The following ABCC4 variants were observed in gnomAD, a reference collection of about 807,000 sequenced individuals.
ABCC4 encodes ATP binding cassette subfamily C member 4 (PEL blood group), also known as ATP-binding cassette sub-family C member 4.
ABCC4 carries 102 observed loss-of-function variants against 168.5 expected under a neutral mutation model. The ratio of observed to expected loss-of-function variants is 0.61; its 90% CI spans 0.52 to 0.71. The LOEUF is 0.71. Among genes scored for constraint, ABCC4 ranks in the 30% least tolerant of loss-of-function variants. The pLI, the probability that ABCC4 is intolerant of heterozygous loss-of-function variation, is 0.00. For missense variants in ABCC4, 1,402 were observed against 1,605.8 expected, an observed-to-expected ratio of 0.87 and a Z score of 2.17; for synonymous variants, 617 against 590.7, an observed-to-expected ratio of 1.04 and a Z score of -0.65.
rs140847648 is a variant in ABCC4, at chr13:95,042,119, T to C, written c.3735+1563A>G. Among the ~76,000 whole-genome samples, 23 of 152,272 alleles carry C rather than the reference T, an allele frequency of 1.5e-4. No individual in the cohort carries two copies. The South Asian group carries it at 3.7e-3, about 25-fold the overall frequency. ...TGGGAGTGAGAAGGAAAGCTCCATGTTGAAATGCAAGGTCATCTCAACAGT... is the reference window on the plus strand; with the variant it reads ...TGGGAGTGAGAAGGAAAGCTCCATGCTGAAATGCAAGGTCATCTCAACAGT... On this transcript the variant is annotated intron_variant, in intron 29 of 30. Transcript: ENST00000645237.
chr13:95,229,669 C>T (rs2039563852), intron 4 of ABCC4, among the ~76,000 whole-genome samples: 3 of 152,170 alleles, frequency 2.0e-5, no homozygotes, highest in Admixed American at 2.0e-4. Flanking sequence ...AATACAAAAG[C>T]TGGGATGACA....
chr13:95,168,305 G>A (rs1194853176), intron 14 of ABCC4, among the ~76,000 whole-genome samples: 1 of 152,122 alleles, frequency 6.6e-6, no homozygotes, highest in Admixed American at 6.5e-5. Context: ...AGGAACCCAG[G>A]CTCCCTATTC....
intron 25 of ABCC4, among the ~76,000 whole-genome samples, chr13:95,064,297 T>TGC (rs2033435405): frequency 9.5e-6 from 1 of 105,302 alleles, no homozygotes; most frequent in Non-Finnish European, 2.0e-5. Context: ...TATATATATA[T>TGC]ACACACACAC....
chr13:95,215,878 T>C (rs925439392), intron 4 of ABCC4, among the ~76,000 whole-genome samples: 2 of 151,046 alleles, frequency 1.3e-5, no homozygotes, highest in Middle Eastern at 3.2e-3. Context: ...AGGCATAAAA[T>C]TGATAATCAA....
At chr13:95,269,437 A>AAT (rs1165886953) in intron 1 of ABCC4, 1 of 98,738 alleles carries the variant, frequency 1.0e-5, no homozygotes, top group African/African-American at 6.6e-5. Context: ...AAAAAAAAAT[A>AAT]TATATATATA....
chr13:95,252,386 G>C (rs1333491270), intron 1 of ABCC4, among the ~76,000 whole-genome samples: 1 of 152,126 alleles, frequency 6.6e-6, no homozygotes, highest in Non-Finnish European at 1.5e-5. Flanking sequence ...ATAGATATGT[G>C]TAAGTAGGGC....
At chr13:95,263,041 C>T (rs1042645303) in intron 1 of ABCC4, among the ~76,000 whole-genome samples, 2 of 152,154 alleles carry the variant, frequency 1.3e-5, no homozygotes, top group African/African-American at 2.4e-5. Context: ...TGGGTGACTT[C>T]GCTGTCTAAA....
chr13:95,239,164 CA>C (rs67156942), intron 3 of ABCC4, among the ~76,000 whole-genome samples: 100,137 of 147,878 alleles, frequency 0.68, 34,071 homozygotes, highest in Non-Finnish European at 0.72. Context: ...ATGTAAACTG[CA>C]AAAAAAAAAA....
At chr13:95,164,057 A>AAT in intron 16 of ABCC4, among the ~76,000 whole-genome samples, 1 of 115,802 alleles carries the variant, frequency 8.6e-6, no homozygotes, top group East Asian at 2.2e-4. Context: ...AAAAAAAAAA[A>AAT]GAAAGAAAGA....
intron 20 of ABCC4, among the ~76,000 whole-genome samples, chr13:95,102,819 C>T: frequency 6.6e-6 from 1 of 150,944 alleles, no homozygotes. Context: ...TGGGGTTTCA[C>T]CATGTTGGCC....
At chr13:95,121,976 A>G (rs559137159) in intron 19 of ABCC4, among the ~76,000 whole-genome samples, 6 of 152,186 alleles carry the variant, frequency 3.9e-5, no homozygotes, top group South Asian at 4.1e-4. Context: ...ACAAAAGCCA[A>G]TCTTGCTCAA....
At chr13:95,163,709 C>T (rs2037171952) in intron 16 of ABCC4, 62 bp from the exon 17 acceptor site, 5 of 1,362,060 alleles carry the variant, frequency 3.7e-6, no homozygotes, top group Middle Eastern at 1.8e-4. Flanking sequence ...CAACTCAAAA[C>T]TCTCAATCGC....
intron 1 of ABCC4, among the ~76,000 whole-genome samples, chr13:95,271,261 C>T (rs577491978): frequency 2.0e-5 from 3 of 152,226 alleles, no homozygotes; most frequent in Non-Finnish European, 2.9e-5. Context: ...CAGCTGCCGA[C>T]GGATTACATT....
In ABCC4 at chr13:95,187,010, G is replaced by C; in HGVS notation, c.1354-118C>G. The stretch of plus-strand genomic sequence containing the variant: ...AAAAACACCATTCATTCATTTAAAA[G>C]AGCACAGGAAGTTGTGATTAAAAAT... On this transcript the variant is annotated intron_variant, in intron 10 of 30. Coordinates refer to ENST00000645237, the MANE Select transcript of ABCC4 (RefSeq NM_005845.5). The C allele has an allele frequency of 3.7e-6, 3 of 807,112 alleles. No individual in the cohort carries two copies. The Admixed American group carries it at 1.1e-4, about 29-fold the overall frequency. The allele number at this position is 807,112 out of a possible 1,614,324, so 50.0% of individuals were successfully genotyped here.
At chr13:95,113,939 A>C (rs938378083) in intron 20 of ABCC4, among the ~76,000 whole-genome samples, 3 of 152,186 alleles carry the variant, frequency 2.0e-5, no homozygotes, top group African/African-American at 7.2e-5. Context: ...AAAGGAGAAA[A>C]TATTTCTTCC....
intron 19 of ABCC4, among the ~76,000 whole-genome samples, chr13:95,139,228 T>C (rs1363254130): frequency 2.0e-5 from 3 of 152,168 alleles, no homozygotes; most frequent in Non-Finnish European, 4.4e-5. Context: ...CTGTATTTGC[T>C]CTGTTTACAA....
chr13:95,100,097 C>T (rs991543702), intron 20 of ABCC4, among the ~76,000 whole-genome samples: 52 of 152,238 alleles, frequency 3.4e-4, no homozygotes, highest in African/African-American at 1.2e-3. Context: ...ATTTTCCTCT[C>T]CTGGGTAATA....
intron 1 of ABCC4, among the ~76,000 whole-genome samples, chr13:95,271,090 G>A (rs924374747): frequency 6.6e-5 from 10 of 152,124 alleles, no homozygotes; most frequent in Admixed American, 5.9e-4. Flanking sequence ...GCCAGACTCC[G>A]TCTCAAAAAA....
intron 1 of ABCC4, among the ~76,000 whole-genome samples, chr13:95,275,627 G>T (rs2040953605): frequency 6.6e-6 from 1 of 151,402 alleles, no homozygotes; most frequent in South Asian, 2.1e-4. Flanking sequence ...CTAGAACTAG[G>T]AAATCAACTC....
Sources: gnomAD v4.1 joint callset for allele counts (sites outside exome capture counted in the v4.1 genomes callset) on GRCh38, gnomAD v4.1.1 for gene constraint, MANE v1.5 for transcripts, NCBI Gene and HGNC (gene_info 2026-07-23, HGNC 2026-07-21) for gene names.